The following DAB1 variants were observed in gnomAD, a reference collection of about 807,000 sequenced individuals.
The protein encoded by DAB1 is DAB adaptor protein 1.
Under a neutral mutation model 64.6 loss-of-function variants are expected in DAB1, and 15 were observed. The ratio of observed to expected loss-of-function variants is 0.23; its 90% CI spans 0.16 to 0.36. DAB1 has a LOEUF of 0.36. Ranked by LOEUF, DAB1 falls within the 10% of genes least tolerant of loss-of-function variation. The pLI, the probability that DAB1 is intolerant of heterozygous loss-of-function variation, is 1.00. For synonymous variants in DAB1, 235 were observed against 251.9 expected, an observed-to-expected ratio of 0.93 and a Z score of 0.64; for missense variants, 596 against 706.7, an observed-to-expected ratio of 0.84 and a Z score of 1.78.
intron 7 of DAB1, among the ~76,000 whole-genome samples, chr1:57,628,603 T>G (rs1645951209): frequency 5.4e-5 from 2 of 37,328 alleles, no homozygotes; most frequent in South Asian, 4.1e-3. Context: ...AATTAAAAAC[T>G]TATAAAATAT....
In DAB1 at chr1:57,645,668, A is replaced by G. The variant is rs77292063; in HGVS notation, n.625+3924T>C. Among the ~76,000 whole-genome samples, 151 of 152,298 alleles carry G rather than the reference A, an allele frequency of 9.9e-4. 5 individuals are homozygous for G. In the East Asian group the frequency reaches 0.02, roughly 20 times the overall value. On this transcript the variant is annotated intron_variant and non_coding_transcript_variant, in intron 7 of 20. Transcript: ENST00000485760. ...TGTTTAAGTCTTACAACAATACTCTATGGAAAGTATTATTGCTACCTTCAT... is the reference window on the plus strand; with the variant it reads ...TGTTTAAGTCTTACAACAATACTCTGTGGAAAGTATTATTGCTACCTTCAT...
chr1:57,039,856 A>G (rs187807898), intron 9 of DAB1, among the ~76,000 whole-genome samples: 2 of 152,326 alleles, frequency 1.3e-5, no homozygotes, highest in African/African-American at 4.8e-5. Context: ...GAAAGGAGAT[A>G]TCAATTGTGA....
At chr1:58,546,705 A>T (rs1320536009) in exon 1 of DAB1, 1 of 152,070 alleles carries the variant, frequency 6.6e-6, no homozygotes, top group Admixed American at 6.6e-5. Flanking sequence ...GGACTGACTC[A>T]AGCAGAAGCG....
rs576668818 is a variant in DAB1, at chr1:57,522,534, A to C, written n.625+127058T>G. On this transcript the variant is annotated intron_variant and non_coding_transcript_variant, in intron 7 of 20. Transcript: ENST00000485760. ...AAAGAAAGAGGGGTTTAATGGACTC[A>C]CAGTTCCACAGGGCTGGGGAGGCCT... is the stretch of plus-strand genomic sequence containing the variant. Among the ~76,000 whole-genome samples the C allele has an allele frequency of 1.6e-3, 240 of 152,350 alleles. 1 individual carries two copies. The highest frequency in any genetic ancestry group is 5.6e-3 in the African/African-American group (233 of 41,574).
intron 4 of DAB1, among the ~76,000 whole-genome samples, chr1:57,090,615 C>A (rs953068378): frequency 6.6e-6 from 1 of 152,112 alleles, no homozygotes; most frequent in Admixed American, 6.5e-5. Context: ...AGGTTGCAGG[C>A]CCAAGTTCAA....
intron 5 of DAB1, among the ~76,000 whole-genome samples, chr1:58,005,394 G>T (rs1028900912): frequency 5.9e-5 from 9 of 152,142 alleles, no homozygotes; most frequent in Non-Finnish European, 1.0e-4. Context: ...GATGATCATT[G>T]TCATTCAGAA....
intron 4 of DAB1, among the ~76,000 whole-genome samples, chr1:58,208,967 A>C (rs1207175040): frequency 6.6e-6 from 1 of 152,232 alleles, no homozygotes; most frequent in Non-Finnish European, 1.5e-5. Flanking sequence ...AATTAAGAGA[A>C]ACCTGAACCA....
intron 5 of DAB1, among the ~76,000 whole-genome samples, chr1:57,984,412 T>C (rs1475431193): frequency 2.0e-5 from 3 of 152,038 alleles, no homozygotes; most frequent in Admixed American, 6.6e-5. Context: ...CACAGAGCTA[T>C]TGGGGGAGAG....
At chr1:58,093,301 A>C (rs935085192) in intron 5 of DAB1, among the ~76,000 whole-genome samples, 1 of 152,182 alleles carries the variant, frequency 6.6e-6, no homozygotes, top group East Asian at 1.9e-4. Flanking sequence ...GCAGAAGGTA[A>C]TTCAGGAACC....
chr1:58,500,533 AAT>A (rs1375605019), intron 3 of DAB1, among the ~76,000 whole-genome samples: 1 of 152,240 alleles, frequency 6.6e-6, no homozygotes, highest in Non-Finnish European at 1.5e-5. Flanking sequence ...AAATGAGATT[AAT>A]ATGAATGCAG....
intron 5 of DAB1, among the ~76,000 whole-genome samples, chr1:58,042,258 T>A (rs1280397676): frequency 6.6e-6 from 1 of 152,236 alleles, no homozygotes; most frequent in Admixed American, 6.5e-5. Context: ...CAGGTATGAT[T>A]TAAAGACAAT....
intron 9 of DAB1, among the ~76,000 whole-genome samples, chr1:57,050,384 C>T (rs1649062372): frequency 6.6e-6 from 1 of 152,214 alleles, no homozygotes; most frequent in African/African-American, 2.4e-5. Flanking sequence ...CCCAGATTCT[C>T]AGCACCACAT....
At chr1:57,148,282 A>G (rs935727841) in intron 2 of DAB1, among the ~76,000 whole-genome samples, 1 of 152,238 alleles carries the variant, frequency 6.6e-6, no homozygotes, top group Admixed American at 6.5e-5. Context: ...GCAGAGATTA[A>G]TAAGAAAATA....
intron 6 of DAB1, among the ~76,000 whole-genome samples, chr1:57,695,252 AGAAAGAAGGAAG>A (rs201802977): frequency 0.23 from 17,022 of 75,146 alleles, 3,544 homozygotes; most frequent in African/African-American, 0.43. Flanking sequence ...AAAGAAAGAA[AGAAAGAAGGAAG>A]GAAGGAAGGA....
At chr1:58,484,429 T>G (rs1213888572) in intron 3 of DAB1, among the ~76,000 whole-genome samples, 1 of 152,182 alleles carries the variant, frequency 6.6e-6, no homozygotes, top group Non-Finnish European at 1.5e-5. Flanking sequence ...TTATCAACCT[T>G]TAATGTCACC....
intron 1 of DAB1, among the ~76,000 whole-genome samples, chr1:57,328,300 A>G (rs1041873731): frequency 6.6e-6 from 1 of 152,186 alleles, no homozygotes; most frequent in Non-Finnish European, 1.5e-5. Flanking sequence ...TTGGGATGGC[A>G]TGAGTTTTCA....
intron 1 of DAB1, chr1:57,386,841 C>T (rs3738552): frequency 0.11 from 16,468 of 152,048 alleles, 970 homozygotes; most frequent in Admixed American, 0.13. Context: ...AAACCTGAGG[C>T]CCATGCAACA....
chr1:57,158,322 T>C (rs1660432348), intron 2 of DAB1, among the ~76,000 whole-genome samples: 2 of 152,126 alleles, frequency 1.3e-5, no homozygotes, highest in South Asian at 4.1e-4. Context: ...TTTTTTGTTG[T>C]TGTTGCCTGG....
chr1:58,437,878 C>T (rs1644962704), intron 3 of DAB1, among the ~76,000 whole-genome samples: 1 of 152,136 alleles, frequency 6.6e-6, no homozygotes, highest in African/African-American at 2.4e-5. Flanking sequence ...TCACAGTAGC[C>T]CATCTCCACG....
Sources: gnomAD v4.1 joint callset for allele counts (sites outside exome capture counted in the v4.1 genomes callset) on GRCh38, gnomAD v4.1.1 for gene constraint, MANE v1.5 for transcripts, NCBI Gene and HGNC (gene_info 2026-07-23, HGNC 2026-07-21) for gene names.